AARS1: variants seen among roughly 807,000 people sequenced by gnomAD.
AARS1 encodes the protein alanyl-tRNA synthetase 1.
A neutral mutation model predicts 108.9 loss-of-function variants in AARS1; 72 were observed. The ratio of observed to expected loss-of-function variants is 0.66; its 90% CI spans 0.55 to 0.80. AARS1 has a LOEUF of 0.80. Ranked by LOEUF, AARS1 falls within the 30% of genes least tolerant of loss-of-function variation. AARS1 has a pLI of 0.00. For missense variants in AARS1, 1,193 were observed against 1,233.2 expected, an observed-to-expected ratio of 0.97 and a Z score of 0.49; for synonymous variants, 489 against 465.7, an observed-to-expected ratio of 1.05 and a Z score of -0.64.
chr16:70,282,759 T>G lies in AARS1; in HGVS notation c.5A>C (p.Asp2Ala). ...GATTTCACTTGCTGTTAGAGTAGAG[T>G]CCATCTTGAAAGTCACCCCAAAGAA... is the stretch of plus-strand genomic sequence containing the variant. M[D>A]STLTASEIRQ... Residue 2 changes from aspartate (D) to alanine (A), a missense_variant, in exon 2 of 21, where the codon GAC (aspartate) becomes GCC (alanine). Transcript: ENST00000261772. The G allele has an allele frequency of 6.2e-7, 1 of 1,613,420 alleles. No homozygotes were observed. Among genetic ancestry groups the G allele is most frequent in the Non-Finnish European group, 8.5e-7 (1 of 1,179,908 alleles).
rs192168052 is a variant in AARS1 at position 70,261,187 on chromosome 16, A to G, written c.1672-30T>C. 5.3e-6 allele frequency: 8 copies of G among 1,511,196 alleles called. No individual in the cohort carries two copies. In the East Asian group the frequency reaches 1.1e-4, roughly 21 times the overall value. The allele number at this position is 1,511,196 out of a possible 1,614,324, so 93.6% of individuals were successfully genotyped here. ...GAGGGGTCAAGGAAGAGACCAATAA[A>G]TAAATCCTTAAAAACATACAAATTT... On this transcript the variant is annotated intron_variant, in intron 12 of 20. Transcript: ENST00000261772.
chr16:70,262,995 A>AAAAAAAAAAAC (rs1174659809), intron 11 of AARS1, among the ~76,000 whole-genome samples: 8 of 128,674 alleles, frequency 6.2e-5, no homozygotes, highest in Non-Finnish European at 1.2e-4. Context: ...AAAAAAAAAA[A>AAAAAAAAAAAC]AAACAACAAC....
chr16:70,252,927 G>C (rs1374313343), intron 20 of AARS1, 21 bp from the exon 21 acceptor site: 3 of 1,613,162 alleles, frequency 1.9e-6, no homozygotes, highest in African/African-American at 1.3e-5. Flanking sequence ...GGAAGGGAAG[G>C]GGGAGTCAGC....
rs796492243 is a variant in AARS1 at position 70,275,741 on chromosome 16, T to TA, written c.479+744_479+745insT. On this transcript the variant is annotated intron_variant, in intron 4 of 20. Transcript: ENST00000261772. ...TCGCGCCACTGCACTCCAGCCTGGG[T>TA]GACAGAGCGAGACTCCAACAACAAC... Among the ~76,000 whole-genome samples, 202 of 146,252 alleles carry TA rather than the reference T, an allele frequency of 1.4e-3. 5 individuals are homozygous for TA. The highest frequency in any genetic ancestry group is 4.7e-3 in the African/African-American group (185 of 39,470).
At chr16:70,289,253 G>C (rs943451294) in intron 1 of AARS1, among the ~76,000 whole-genome samples, 168 bp downstream of exon 1, 5 of 152,146 alleles carry the variant, frequency 3.3e-5, no homozygotes, top group Admixed American at 3.3e-4. Flanking sequence ...AGCGCTCCCG[G>C]GGGCGAACGC....
At chr16:70,276,874 T>A (rs1458592523) in intron 3 of AARS1, 92 bp downstream of exon 3, 2 of 1,450,688 alleles carry the variant, frequency 1.4e-6, no homozygotes, top group African/African-American at 2.8e-5. Flanking sequence ...TGATATTTCA[T>A]ATTTTAAAAC....
intron 4 of AARS1, among the ~76,000 whole-genome samples, chr16:70,274,775 T>C (rs990430569): frequency 5.3e-5 from 8 of 151,980 alleles, no homozygotes; most frequent in Non-Finnish European, 1.2e-4. Context: ...GATACACACA[T>C]ACACACAAGG....
chr16:70,268,126 C>G (rs1482053223), intron 8 of AARS1, 145 bp downstream of exon 8: 1 of 806,240 alleles, frequency 1.2e-6, no homozygotes, highest in Non-Finnish European at 2.1e-6. Flanking sequence ...CAAGATCACT[C>G]TATTGCACTC....
At chr16:70,265,327 A>C (rs1960236844) in intron 10 of AARS1, 1 of 932,540 alleles carries the variant, frequency 1.1e-6, no homozygotes, top group African/African-American at 1.6e-5. Flanking sequence ...TGACAGCAGG[A>C]TCTGCCCCTA....
chr16:70,258,096 T>C lies in AARS1; in HGVS notation c.2114A>G (p.Glu705Gly). 1 of 1,613,982 alleles carries C rather than the reference T, an allele frequency of 6.2e-7. No individual in the cohort carries two copies. Among genetic ancestry groups the C allele is most frequent in the Non-Finnish European group, 8.5e-7 (1 of 1,179,982 alleles). Reference sequence around the variant, plus strand: ...AGGCCCAGAGGGGTCATCCAGCAACTCGGACACCGGGACCCCAATGGAGAC... The same window carrying C: ...AGGCCCAGAGGGGTCATCCAGCAACCCGGACACCGGGACCCCAATGGAGAC... ...RVVSIGVPVS[E>G]LLDDPSGPAG... is the part of the protein sequence containing the mutation. The change falls in exon 15 of 21, where the codon GAG becomes GGG. Residue 705 changes from glutamate (E) to glycine (G), a missense_variant. Physicochemically the swap from Glu to Gly is moderately conservative, Grantham distance 98. Coordinates refer to ENST00000261772, the MANE Select transcript of AARS1 (RefSeq NM_001605.3).
chr16:70,257,877 T>A (rs1960027959), intron 15 of AARS1, among the ~76,000 whole-genome samples, 156 bp downstream of exon 15: 1 of 152,186 alleles, frequency 6.6e-6, no homozygotes. Flanking sequence ...ATGAGCATGC[T>A]AGGATGCTGA....
chr16:70,267,910 G>A lies in AARS1; in HGVS notation c.1072-101C>T, dbSNP rs1281062951. On this transcript the variant is annotated intron_variant, in intron 8 of 20. Coordinates refer to ENST00000261772, the MANE Select transcript of AARS1 (RefSeq NM_001605.3). ...TAGCTGGGTGCAGTGGCTCACGCCT[G>A]TAATCCTACCACTTTGGGAAGCCGA... The A allele has an allele frequency of 4.6e-6, 7 of 1,529,902 alleles. No homozygotes were observed. In the Admixed American group the frequency reaches 1.0e-4, roughly 23 times the overall value. The allele number at this position is 1,529,902 out of a possible 1,614,324, so 94.8% of individuals were successfully genotyped here.
rs1555539157 is a variant in AARS1 at position 70,252,755 on chromosome 16, A to G, written c.2873T>C (p.Phe958Ser). ...LQEALQLATS[F>S]AQLRLGDVKN ...TACATCCCCGAGGCGCAGCTGGGCG[A>G]AGGAAGTGGCCAGCTGCAGCGCCTC... Residue 958 changes from phenylalanine (F) to serine (S), a missense_variant, in exon 21 of 21, where the codon TTC (phenylalanine) becomes TCC (serine). Coordinates refer to ENST00000261772, the MANE Select transcript of AARS1 (RefSeq NM_001605.3). 6.2e-7 allele frequency: 1 copy of G among 1,614,120 alleles called. No individual in the cohort carries two copies. Among genetic ancestry groups the G allele is most frequent in the Non-Finnish European group, 8.5e-7 (1 of 1,180,028 alleles).
intron 19 of AARS1, 54 bp downstream of exon 19, chr16:70,253,660 A>C: frequency 6.3e-7 from 1 of 1,583,452 alleles, no homozygotes; most frequent in Non-Finnish European, 8.6e-7. Flanking sequence ...GCCACATGTC[A>C]GCCACCAGAG....
chr16:70,259,584 G>A (rs918899529), intron 13 of AARS1, among the ~76,000 whole-genome samples: 2 of 152,056 alleles, frequency 1.3e-5, no homozygotes, highest in African/African-American at 4.8e-5. Flanking sequence ...CTGGGCTCAA[G>A]TGATCCTCTT....
In AARS1 at chr16:70,265,086, T is replaced by G; in HGVS notation, c.1364A>C (p.Lys455Thr). 1 of 1,614,128 alleles carries G rather than the reference T, an allele frequency of 6.2e-7. No individual in the cohort carries two copies. The highest frequency in any genetic ancestry group is 8.5e-7 in the Non-Finnish European group (1 of 1,180,030). ...AATGAGGTCTTCCCCACCAGCTCCCTTGCCCTGTGATTTCAGCTGTCAGCA... is the reference window on the plus strand; with the variant it reads ...AATGAGGTCTTCCCCACCAGCTCCCGTGCCCTGTGATTTCAGCTGTCAGCA... ...RKLAQLKSQG[K>T]GAGGEDLIML... The change falls in exon 11 of 21, where the codon AAG (lysine) becomes ACG (threonine). Residue 455 changes from lysine (K) to threonine (T), a missense_variant. Physicochemically the swap from Lys to Thr is moderately conservative, Grantham distance 78 (BLOSUM62 -1). Coordinates refer to ENST00000261772, the MANE Select transcript of AARS1 (RefSeq NM_001605.3).
chr16:70,266,171 G>A (rs1018783726), intron 9 of AARS1, among the ~76,000 whole-genome samples: 53 of 152,112 alleles, frequency 3.5e-4, no homozygotes, highest in Middle Eastern at 3.4e-3. Flanking sequence ...AAAATTAGCC[G>A]GGCATGGTGG....
intron 4 of AARS1, among the ~76,000 whole-genome samples, chr16:70,275,655 C>T (rs1288550532): frequency 5.3e-5 from 8 of 151,506 alleles, no homozygotes; most frequent in East Asian, 3.9e-4. Context: ...CCCAGCTACT[C>T]GGGAGGCTGA....
chr16:70,270,878 G>GGCA (rs1555541545), intron 5 of AARS1, among the ~76,000 whole-genome samples: 3 of 151,292 alleles, frequency 2.0e-5, no homozygotes, highest in East Asian at 1.9e-4. Flanking sequence ...ACTGGGCATG[G>GGCA]TGGCTCACGC....
Sources: gnomAD v4.1 joint callset for allele counts (sites outside exome capture counted in the v4.1 genomes callset) on GRCh38, gnomAD v4.1.1 for gene constraint, MANE v1.5 for transcripts, NCBI Gene and HGNC (gene_info 2026-07-23, HGNC 2026-07-21) for gene names.